Variants in MYO3A observed in about 807,000 individuals in gnomAD.
MYO3A encodes the protein myosin IIIA, also known as myosin-IIIa.
In MYO3A, 180 loss-of-function variants were observed where a neutral mutation model predicts 192.7. The ratio of observed to expected loss-of-function variants is 0.93; its 90% CI spans 0.83 to 1.06. The LOEUF (loss-of-function observed/expected upper bound fraction) is 1.06, where lower values mean the gene tolerates loss of function less well. Among genes scored for constraint, MYO3A ranks in the 50% least tolerant of loss-of-function variants. MYO3A has a pLI of 0.00. For synonymous variants in MYO3A, 628 were observed against 645.3 expected (o/e 0.97, Z 0.41); for missense variants, 1,896 against 1,905.0 (o/e 1.00, Z 0.09).
chr10:26,091,421 A>G (rs1836692711), intron 15 of MYO3A, among the ~76,000 whole-genome samples: 1 of 152,200 alleles, frequency 6.6e-6, no homozygotes, highest in South Asian at 2.1e-4. Context: ...TTTCAAGAAT[A>G]AGATGAACCT....
chr10:26,102,197 G>A (rs1837497931), intron 17 of MYO3A, among the ~76,000 whole-genome samples: 1 of 152,090 alleles, frequency 6.6e-6, no homozygotes, highest in African/African-American at 2.4e-5. Flanking sequence ...ATCAGCTACT[G>A]AAGCTTTTGC....
chr10:26,200,453 T>G (rs1327327834), intron 32 of MYO3A, among the ~76,000 whole-genome samples: 1 of 152,232 alleles, frequency 6.6e-6, no homozygotes, highest in Non-Finnish European at 1.5e-5. Context: ...GTCTGTTTTC[T>G]CAGCCTAAAA....
chr10:26,158,426 T>C (rs1841281874), intron 26 of MYO3A, among the ~76,000 whole-genome samples: 1 of 151,848 alleles, frequency 6.6e-6, no homozygotes, highest in Non-Finnish European at 1.5e-5. Flanking sequence ...CTAATTTTTT[T>C]TGTATTTTTA....
At chr10:26,115,082 G>A (rs1838420279) in intron 17 of MYO3A, among the ~76,000 whole-genome samples, 1 of 152,200 alleles carries the variant, frequency 6.6e-6, no homozygotes, top group South Asian at 2.1e-4. Flanking sequence ...AGCACAAGAA[G>A]ATGTGGCACC....
chr10:26,203,016 A>C lies in MYO3A; in HGVS notation c.4639A>C (p.Ser1547Arg). Residue 1547 changes from serine to arginine, a missense_variant, in exon 34 of 35, where the codon AGT (serine) becomes CGT (arginine). Transcript: ENST00000642920. ...TTTCTATTATAAGGAATTTTTGCCC[A>C]GTCGTTCTGGACCAAAGGAACATAG... ...EDFYYKEFLP[S>R]RSGPKEHSPS... 6.2e-7 allele frequency: 1 copy of C among 1,613,838 alleles called. No homozygotes were observed. The highest frequency in any genetic ancestry group is 8.5e-7 in the Non-Finnish European group (1 of 1,179,814).
At chr10:26,086,593 C>A (rs1471926306) in intron 14 of MYO3A, among the ~76,000 whole-genome samples, 2 of 151,914 alleles carry the variant, frequency 1.3e-5, no homozygotes, top group African/African-American at 4.8e-5. Context: ...AGATTTGTGA[C>A]CCTTTCGGGA....
intron 18 of MYO3A, among the ~76,000 whole-genome samples, chr10:26,122,883 T>A (rs1290084729): frequency 6.6e-6 from 1 of 152,188 alleles, no homozygotes; most frequent in African/African-American, 2.4e-5. Context: ...AATAAATGTA[T>A]GTCAAATAAA....
Position 26,212,473 on chromosome 10 carries a change from T to G in MYO3A, c.*510T>G, listed in dbSNP as rs1448330509. ...TCGAAGATGTATTTCATCTCAAGCT[T>G]GCTCTTTCTCTTCCTTTGGTTATTA... On this transcript the variant is annotated 3_prime_UTR_variant, in exon 35 of 35. Transcript: ENST00000642920. 1.1e-5 allele frequency: 2 copies of G among 185,528 alleles called. No homozygotes were observed. Among genetic ancestry groups the G allele is most frequent in the Non-Finnish European group, 2.2e-5 (2 of 90,772 alleles). 11.5% of individuals were successfully genotyped at this position (185,528 alleles called of 1,614,324 possible).
At chr10:25,944,996 T>G (rs1588634233) in intron 2 of MYO3A, among the ~76,000 whole-genome samples, 1 of 152,190 alleles carries the variant, frequency 6.6e-6, no homozygotes, top group African/African-American at 2.4e-5. Context: ...TTTCATATTT[T>G]TCTTCCTTTT....
At chr10:26,152,778 A>T (rs1169187021) in intron 23 of MYO3A, among the ~76,000 whole-genome samples, 1 of 152,196 alleles carries the variant, frequency 6.6e-6, no homozygotes, top group African/African-American at 2.4e-5. Context: ...AAAAGTGAAC[A>T]GGGCAGTGTG....
chr10:26,065,065 A>G (rs1314947066), intron 10 of MYO3A, among the ~76,000 whole-genome samples: 1 of 152,190 alleles, frequency 6.6e-6, no homozygotes. Context: ...TAAGGAAAAA[A>G]CCGAAAAAGA....
chr10:26,003,503 G>A (rs527974706), intron 6 of MYO3A, among the ~76,000 whole-genome samples: 1 of 152,158 alleles, frequency 6.6e-6, no homozygotes, highest in Admixed American at 6.5e-5. Context: ...TTTTTATTAA[G>A]TGGGGTATAC....
chr10:26,184,274 T>G (rs1842761028), intron 31 of MYO3A, among the ~76,000 whole-genome samples: 1 of 152,316 alleles, frequency 6.6e-6, no homozygotes, highest in Admixed American at 6.5e-5. Context: ...CAACCATGAC[T>G]AGAGTGAGTC....
chr10:26,066,301 A>G (rs12761590), intron 10 of MYO3A, among the ~76,000 whole-genome samples: 72,008 of 151,688 alleles, frequency 0.47, 17,856 homozygotes, highest in Middle Eastern at 0.59. Context: ...GCAAATCCAG[A>G]TACTTAAGAG....
chr10:25,975,205 A>G (rs189276954), intron 4 of MYO3A, among the ~76,000 whole-genome samples: 2 of 152,292 alleles, frequency 1.3e-5, no homozygotes, highest in East Asian at 1.9e-4. Context: ...ATTAGGTCCT[A>G]TACATGAAAA....
intron 4 of MYO3A, among the ~76,000 whole-genome samples, chr10:25,996,087 C>T (rs1196086261): frequency 6.6e-6 from 1 of 152,250 alleles, no homozygotes; most frequent in African/African-American, 2.4e-5. Flanking sequence ...TTTGGCTATG[C>T]CCTGCCCCCA....
intron 17 of MYO3A, among the ~76,000 whole-genome samples, chr10:26,101,595 G>A (rs189979530): frequency 1.4e-3 from 211 of 152,288 alleles, no homozygotes; most frequent in Non-Finnish European, 2.5e-3. Flanking sequence ...AGGCCTGGTG[G>A]TGACAAAATC....
At chr10:26,001,808 C>T (rs142024874) in intron 6 of MYO3A, among the ~76,000 whole-genome samples, 1 of 152,206 alleles carries the variant, frequency 6.6e-6, no homozygotes, top group African/African-American at 2.4e-5. Flanking sequence ...ATAGCAAGAC[C>T]CTGTCTCTAC....
In MYO3A at chr10:26,212,327, C is replaced by T. The variant is rs879641082; in HGVS notation, c.*364C>T. ...CCTGGGATCTCGCCAACCCCTCTCT[C>T]ATTTGGGGTGACTGAATTCACAGAT... On this transcript the variant is annotated 3_prime_UTR_variant, in exon 35 of 35. Transcript: ENST00000642920. The T allele has an allele frequency of 5.9e-5, 23 of 390,662 alleles. No homozygotes were observed. The highest frequency in any genetic ancestry group is 9.0e-5 in the Non-Finnish European group (20 of 222,594). The allele number at this position is 390,662 out of a possible 1,614,324, so 24.2% of individuals were successfully genotyped here. A position where few individuals can be genotyped will look rare whatever the true frequency, so the allele number is the denominator to read the frequency against.
Sources: gnomAD v4.1 joint callset for allele counts (sites outside exome capture counted in the v4.1 genomes callset) on GRCh38, gnomAD v4.1.1 for gene constraint, MANE v1.5 for transcripts, NCBI Gene and HGNC (gene_info 2026-07-23, HGNC 2026-07-21) for gene names.